GRAMD1C: variants seen among roughly 807,000 people sequenced by gnomAD.
GRAMD1C encodes GRAM domain containing 1C.
In GRAMD1C, 89 loss-of-function variants were observed where a neutral mutation model predicts 97.8. The ratio of observed to expected loss-of-function variants is 0.91; its 90% CI spans 0.77 to 1.09. The LOEUF (loss-of-function observed/expected upper bound fraction) is 1.09. Ranked by LOEUF, GRAMD1C falls within the 50% of genes least tolerant of loss-of-function variation. GRAMD1C has a pLI of 0.00. For synonymous variants in GRAMD1C, 256 were observed against 267.0 expected, an observed-to-expected ratio of 0.96 and a Z score of 0.40; for missense variants, 740 against 766.4, an observed-to-expected ratio of 0.97 and a Z score of 0.41.
At chr3:113,909,612 T>C (rs1936494383) in intron 9 of GRAMD1C, among the ~76,000 whole-genome samples, 1 of 152,156 alleles carries the variant, frequency 6.6e-6, no homozygotes, top group African/African-American at 2.4e-5. Flanking sequence ...TTTTCTCTTT[T>C]CCTCCTTTTA....
chr3:113,873,959 A>G lies in GRAMD1C; in HGVS notation c.260-1525A>G, dbSNP rs556833868. 1.1e-4 allele frequency among the ~76,000 whole-genome samples: 16 copies of G among 152,340 alleles called. No homozygotes were observed. In the South Asian group the frequency reaches 3.3e-3, roughly 32 times the overall value. On this transcript the variant is annotated intron_variant, in intron 3 of 17. Transcript: ENST00000358160. Reference sequence around the variant, plus strand: ...CTTTAGCCCAATCTCTGTTTTAGTGATGAATACTAGTTAATGGGTAACCTA... The same window carrying G: ...CTTTAGCCCAATCTCTGTTTTAGTGGTGAATACTAGTTAATGGGTAACCTA...
intron 2 of GRAMD1C, among the ~76,000 whole-genome samples, chr3:113,855,311 C>T (rs1340328877): frequency 6.6e-6 from 1 of 151,984 alleles, no homozygotes; most frequent in East Asian, 1.9e-4. Flanking sequence ...AACTCTGTCT[C>T]AAAAACAAAC....
intron 1 of GRAMD1C, among the ~76,000 whole-genome samples, chr3:113,842,968 A>C (rs573562319): frequency 8.6e-5 from 13 of 151,636 alleles, no homozygotes; most frequent in South Asian, 4.2e-4. Context: ...GTTTCAAAAA[A>C]AAAACAAAAC....
At chr3:113,928,039 G>T (rs1937289068) in intron 10 of GRAMD1C, among the ~76,000 whole-genome samples, 1 of 152,126 alleles carries the variant, frequency 6.6e-6, no homozygotes, top group Non-Finnish European at 1.5e-5. Context: ...CCCATTACTA[G>T]TCTTACACAG....
intron 12 of GRAMD1C, among the ~76,000 whole-genome samples, chr3:113,934,222 A>C (rs181043229): frequency 6.6e-6 from 1 of 152,336 alleles, no homozygotes; most frequent in Non-Finnish European, 1.5e-5. Context: ...GTAAAATGGC[A>C]AGTACTTAGA....
intron 1 of GRAMD1C, among the ~76,000 whole-genome samples, chr3:113,833,100 T>TTTTCTTTCTTTC (rs745966042): frequency 2.0e-5 from 3 of 147,050 alleles, no homozygotes; most frequent in African/African-American, 7.6e-5. Context: ...TTTTCTTTTC[T>TTTTCTTTCTTTC]TTTCTTTCTT....
In GRAMD1C at chr3:113,879,424, C is replaced by T. The variant is rs151328650; in HGVS notation, c.459+3164C>T. Among the ~76,000 whole-genome samples the T allele has an allele frequency of 1.7e-3, 263 of 152,160 alleles. 2 individuals are homozygous for T. The highest frequency in any genetic ancestry group is 6.0e-3 in the African/African-American group (247 of 41,496). ...CACCTTCATGAGCTCTGTAACACTA[C>T]GCCACCCTCACCTGCTCTGGTTCTG... On this transcript the variant is annotated intron_variant, in intron 5 of 17. Coordinates refer to ENST00000358160, the MANE Select transcript of GRAMD1C (RefSeq NM_017577.5).
chr3:113,904,138 A>T lies in GRAMD1C; in HGVS notation c.657-2A>T, dbSNP rs770297653. 1 of 1,607,928 alleles carries T rather than the reference A, an allele frequency of 6.2e-7. No homozygotes were observed. The highest frequency in any genetic ancestry group is 1.7e-5 in the Admixed American group (1 of 59,882). ...ATTTCTATAATGATGTGTTTCTTAC[A>T]GAAGTCCAGGAAGAAGCAGCTTGGA... On this transcript the variant is annotated splice_acceptor_variant, in intron 7 of 17. Coordinates refer to ENST00000358160, the MANE Select transcript of GRAMD1C (RefSeq NM_017577.5). LOFTEE classifies it high-confidence loss of function.
At chr3:113,893,842 A>AT (rs1339372968) in intron 6 of GRAMD1C, among the ~76,000 whole-genome samples, 3 of 152,246 alleles carry the variant, frequency 2.0e-5, no homozygotes, top group Admixed American at 1.3e-4. Context: ...AACTTCAATG[A>AT]TTTGGAGTCC....
intron 6 of GRAMD1C, chr3:113,885,200 G>A: frequency 1.4e-6 from 1 of 714,566 alleles, no homozygotes. Flanking sequence ...GCCACTTGGG[G>A]CCCCCGTTCC....
intron 6 of GRAMD1C, among the ~76,000 whole-genome samples, chr3:113,884,455 A>G (rs1265218854): frequency 6.6e-6 from 1 of 152,248 alleles, no homozygotes; most frequent in Non-Finnish European, 1.5e-5. Context: ...ATGCAGCTAA[A>G]GCAGTATTTA....
intron 6 of GRAMD1C, chr3:113,897,527 G>C: frequency 1.0e-6 from 1 of 984,608 alleles, no homozygotes; most frequent in Non-Finnish European, 1.2e-6. Flanking sequence ...TGGAAAGAGT[G>C]CTGGTACTAC....
intron 3 of GRAMD1C, among the ~76,000 whole-genome samples, chr3:113,872,391 CTTTTTTTTTTT>C (rs777339692): frequency 3.4e-5 from 4 of 117,440 alleles, no homozygotes; most frequent in African/African-American, 1.4e-4. Context: ...TCTTTTTTTT[CTTTTTTTTTTT>C]TTTTTTTTTT....
At chr3:113,878,412 G>T (rs1577155125) in intron 5 of GRAMD1C, among the ~76,000 whole-genome samples, 1 of 152,146 alleles carries the variant, frequency 6.6e-6, no homozygotes, top group South Asian at 2.1e-4. Context: ...AGGGGAAACT[G>T]AAAGAAGCCA....
rs773587876 is a variant in GRAMD1C at position 113,915,697 on chromosome 3, C to G, written c.953-4C>G. 1.2e-6 allele frequency: 2 copies of G among 1,604,716 alleles called. No individual in the cohort carries two copies. The highest frequency in any genetic ancestry group is 1.1e-5 in the South Asian group (1 of 89,824). On this transcript the variant is annotated splice_polypyrimidine_tract_variant and splice_region_variant and intron_variant, in intron 9 of 17. Coordinates refer to ENST00000358160, the MANE Select transcript of GRAMD1C (RefSeq NM_017577.5). Reference sequence around the variant, plus strand: ...TCTTTTGGTTTGTGTTTCTGTTTTTCCAGAAAATGTTCCTGAGAAAGATCT... The same window carrying G: ...TCTTTTGGTTTGTGTTTCTGTTTTTGCAGAAAATGTTCCTGAGAAAGATCT...
chr3:113,899,340 CCA>C (rs1203277825), intron 6 of GRAMD1C, among the ~76,000 whole-genome samples: 2 of 152,178 alleles, frequency 1.3e-5, no homozygotes, highest in Non-Finnish European at 2.9e-5. Flanking sequence ...TCACACTAAT[CCA>C]CAGTCCTATT....
At chr3:113,856,049 A>C (rs926697412) in intron 2 of GRAMD1C, among the ~76,000 whole-genome samples, 4 of 151,676 alleles carry the variant, frequency 2.6e-5, no homozygotes, top group African/African-American at 9.7e-5. Flanking sequence ...CCACCAGCTA[A>C]GCTAATTTTT....
At chr3:113,850,627 C>G in intron 2 of GRAMD1C, 1 of 1,607,560 alleles carries the variant, frequency 6.2e-7, no homozygotes, top group South Asian at 1.1e-5. Context: ...TTCTTGTCTG[C>G]CAGCTCGGGT....
intron 2 of GRAMD1C, among the ~76,000 whole-genome samples, chr3:113,857,496 C>T (rs1934189928): frequency 1.3e-5 from 2 of 151,920 alleles, no homozygotes; most frequent in African/African-American, 4.8e-5. Context: ...CTGCCTCAGC[C>T]TCCCGAGTAG....
Sources: allele counts gnomAD v4.1 joint callset (sites outside exome capture counted in the v4.1 genomes callset), GRCh38; gene constraint gnomAD v4.1.1; transcripts MANE v1.5; gene names NCBI Gene and HGNC (gene_info 2026-07-23, HGNC 2026-07-21).